Variants in KDM3A observed in about 807,000 individuals in gnomAD.
KDM3A encodes the protein lysine-specific demethylase 3A.
A neutral mutation model predicts 158.0 loss-of-function variants in KDM3A; 60 were observed. The ratio of observed to expected loss-of-function variants is 0.38; its 90% CI spans 0.31 to 0.47. KDM3A has a LOEUF of 0.47. KDM3A is among the 20% of genes least tolerant of loss of function. KDM3A has a pLI of 0.99. For synonymous variants in KDM3A, 608 were observed against 549.3 expected (o/e 1.11, Z -1.49); for missense variants, 1,319 against 1,574.3 (o/e 0.84, Z 2.74).
intron 1 of KDM3A, among the ~76,000 whole-genome samples, chr2:86,441,802 C>T (rs964552349): frequency 1.4e-5 from 2 of 146,962 alleles, no homozygotes; most frequent in South Asian, 2.2e-4. Context: ...AAAAGCCAAA[C>T]TTGGGAGAGC....
chr2:86,456,618 A>G, intron 6 of KDM3A, 52 bp downstream of exon 6: 2 of 1,526,144 alleles, frequency 1.3e-6, no homozygotes, highest in Non-Finnish European at 1.8e-6. Context: ...CATGATAACT[A>G]TACAAAGCAT....
chr2:86,475,022 G>A (rs376354785), intron 12 of KDM3A, 32 bp downstream of exon 12: 25 of 1,564,128 alleles, frequency 1.6e-5, no homozygotes, highest in Non-Finnish European at 1.8e-5. Flanking sequence ...TAGGATTTTC[G>A]AGCCCAATTT....
At position 86,470,347 on chromosome 2, in the gene KDM3A, C is replaced by T. The variant is rs200245801; in HGVS notation, c.1663C>T (p.Arg555Cys). 52 of 1,614,042 alleles carry T rather than the reference C, an allele frequency of 3.2e-5. No individual in the cohort carries two copies. In the East Asian group the frequency reaches 3.6e-4, roughly 11 times the overall value. Residue 555 changes from arginine to cysteine, a missense_variant, in exon 11 of 26, where the codon CGC becomes TGC. Physicochemically the swap from Arg to Cys is radical, Grantham distance 180. Around this residue, in one of 4 missense-constraint regions of KDM3A, gnomAD observed 113 missense variants for 190.5 expected, o/e 0.59. Transcript: ENST00000312912. ...CCGAGAGTGTCGCTTGGACAGTCTCCGCAAGGATAAGGAGCAACAGAAGGA... is the reference window on the plus strand; with the variant it reads ...CCGAGAGTGTCGCTTGGACAGTCTCTGCAAGGATAAGGAGCAACAGAAGGA... ...KCRECRLDSL[R>C]KDKEQQKDSP...
Position 86,441,495 on chromosome 2 carries a change from G to T in KDM3A, c.-31+51G>T, listed in dbSNP as rs1162450540. 3.3e-5 allele frequency: 5 copies of T among 151,914 alleles called. No individual in the cohort carries two copies. In the East Asian group the frequency reaches 9.8e-4, roughly 30 times the overall value. The allele number at this position is 151,914 out of a possible 1,614,324, so 9.4% of individuals were successfully genotyped here. Reference sequence around the variant, plus strand: ...GGGGAGAGGGGAGAGAAAGGTGAAAGCGCCGAGCGCGCGGCCCCGTCGCCC... The same window carrying T: ...GGGGAGAGGGGAGAGAAAGGTGAAATCGCCGAGCGCGCGGCCCCGTCGCCC... On this transcript the variant is annotated intron_variant, in intron 1 of 25. Transcript: ENST00000312912.
intron 5 of KDM3A, among the ~76,000 whole-genome samples, chr2:86,455,788 C>T (rs1157550751): frequency 1.3e-5 from 2 of 151,214 alleles, no homozygotes; most frequent in Non-Finnish European, 2.9e-5. Context: ...TCGATCTCTA[C>T]AAAACATTTT....
intron 11 of KDM3A, among the ~76,000 whole-genome samples, chr2:86,472,298 A>G (rs1165474045): frequency 1.3e-5 from 2 of 152,132 alleles, no homozygotes. Context: ...AAGCCAGTGT[A>G]GTAGAAACCA....
At position 86,455,294 on chromosome 2, in the gene KDM3A, CTTTTTTT is replaced by C. The variant is rs767439758; in HGVS notation, c.556+116_556+122del. 16 of 538,876 alleles carry C rather than the reference CTTTTTTT, an allele frequency of 3.0e-5. No individual in the cohort carries two copies. In the Admixed American group the frequency reaches 3.7e-4, roughly 12 times the overall value. The allele number at this position is 538,876 out of a possible 1,614,324, so 33.4% of individuals were successfully genotyped here. A position where few individuals can be genotyped will look rare whatever the true frequency, so the allele number is the denominator to read the frequency against. On this transcript the variant is annotated intron_variant, in intron 5 of 25. Coordinates refer to ENST00000312912, the MANE Select transcript of KDM3A (RefSeq NM_018433.6). The stretch of plus-strand genomic sequence containing the variant: ...ATTTGCTCATGGAAATTTCTTTTTT[CTTTTTTT>C]TTTTTTTTGAGACAGTCTAGTTCCT...
chr2:86,471,603 C>A (rs1437506258), intron 11 of KDM3A, among the ~76,000 whole-genome samples: 1 of 152,038 alleles, frequency 6.6e-6, no homozygotes, highest in East Asian at 1.9e-4. Context: ...TCTCCTCCTC[C>A]CTTTTCATTT....
At chr2:86,480,063 TG>T in intron 15 of KDM3A, 103 bp from the exon 16 acceptor site, 1 of 891,064 alleles carries the variant, frequency 1.1e-6, no homozygotes, top group Non-Finnish European at 1.8e-6. Flanking sequence ...GGTTTTGTTC[TG>T]GATATTTATC....
intron 11 of KDM3A, 106 bp from the exon 12 acceptor site, chr2:86,474,663 CAAAAAAA>C: frequency 4.7e-6 from 2 of 424,452 alleles, no homozygotes; most frequent in South Asian, 4.8e-5. Flanking sequence ...GACTCCATCC[CAAAAAAA>C]AAAAAAAAGT....
At chr2:86,474,441 TCA>T (rs35749755) in intron 11 of KDM3A, among the ~76,000 whole-genome samples, 60,082 of 151,670 alleles carry the variant, frequency 0.4, 13,742 homozygotes, top group East Asian at 0.81. Flanking sequence ...GGCAGGCGTA[TCA>T]CCTGAGGTCA....
chr2:86,467,646 A>G (rs1673214852), intron 10 of KDM3A, among the ~76,000 whole-genome samples: 1 of 152,236 alleles, frequency 6.6e-6, no homozygotes, highest in South Asian at 2.1e-4. Context: ...TGTTTTCAGC[A>G]TGTCAAAAGG....
At chr2:86,465,024 G>T (rs1176655635) in intron 9 of KDM3A, among the ~76,000 whole-genome samples, 2 of 152,138 alleles carry the variant, frequency 1.3e-5, no homozygotes, top group African/African-American at 4.8e-5. Context: ...GGGAACATTA[G>T]GAAGTTCAGT....
At chr2:86,463,095 C>CA (rs751748182) in intron 8 of KDM3A, among the ~76,000 whole-genome samples, 1 of 151,848 alleles carries the variant, frequency 6.6e-6, no homozygotes, top group African/African-American at 2.4e-5. Context: ...GTCTCAAAAA[C>CA]AAAAAACAAA....
In KDM3A at chr2:86,482,520, A is replaced by G; in HGVS notation, c.2748A>G (p.Gln916=). The G allele has an allele frequency of 6.2e-7, 1 of 1,614,214 alleles. No homozygotes were observed. The stretch of plus-strand genomic sequence containing the variant: ...ATGACATCTTTGCCTCTTTGGTGCA[A>G]AATAAGACGACTTCTGATTTATCTA... ...ILDDIFASLV[Q]NKTTSDLSKR... The change falls in exon 18 of 26, where the codon CAA becomes CAG. Residue 916 remains glutamine (Q), a synonymous_variant. Coordinates refer to ENST00000312912, the MANE Select transcript of KDM3A (RefSeq NM_018433.6).
chr2:86,478,538 T>TG, intron 14 of KDM3A, 70 bp from the exon 15 acceptor site: 1 of 1,539,440 alleles, frequency 6.5e-7, no homozygotes, highest in South Asian at 1.2e-5. Context: ...TGCCAGCTTC[T>TG]GCTCTGTAAT....
At chr2:86,491,602 A>C (rs1204813175) in intron 25 of KDM3A, 4 of 358,064 alleles carry the variant, frequency 1.1e-5, no homozygotes, top group African/African-American at 6.1e-5. Flanking sequence ...CTTAACCTTC[A>C]GTGCTGCAGT....
At chr2:86,447,702 G>A (rs1210751278) in intron 2 of KDM3A, among the ~76,000 whole-genome samples, 5 of 152,090 alleles carry the variant, frequency 3.3e-5, no homozygotes, top group Non-Finnish European at 7.4e-5. Flanking sequence ...CTAAGTGAGG[G>A]TTCTTAACCT....
At chr2:86,482,728 A>G (rs371708865) in intron 18 of KDM3A, 34 bp downstream of exon 18, 641 of 1,604,972 alleles carry the variant, frequency 4.0e-4, no homozygotes, top group Non-Finnish European at 5.1e-4. Context: ...TGCCCTATTC[A>G]GAACCCCCTT....
Sources: allele counts gnomAD v4.1 joint callset (sites outside exome capture counted in the v4.1 genomes callset), GRCh38; gene constraint gnomAD v4.1.1; regional missense constraint gnomAD v4.1.1; transcripts MANE v1.5; gene names NCBI Gene and HGNC (gene_info 2026-07-23, HGNC 2026-07-21).